TUFM: variants seen among roughly 807,000 people sequenced by gnomAD.
TUFM encodes the protein Tu translation elongation factor, mitochondrial.
Under a neutral mutation model 45.0 loss-of-function variants are expected in TUFM, and 23 were observed. That is an observed-to-expected ratio of 0.51 (90% confidence interval 0.37 to 0.72). The LOEUF (loss-of-function observed/expected upper bound fraction) is 0.72, where lower values mean the gene tolerates loss of function less well. Ranked by LOEUF, TUFM falls within the 30% of genes least tolerant of loss-of-function variation. TUFM has a pLI of 0.00. For synonymous variants in TUFM, 243 were observed against 252.9 expected (o/e 0.96, Z 0.37); for missense variants, 490 against 610.7 (o/e 0.80, Z 2.08).
Position 28,842,818 on chromosome 16 carries a change from C to T in TUFM, c.*157G>A, listed in dbSNP as rs888577395. 6.5e-5 allele frequency: 63 copies of T among 971,454 alleles called. No individual in the cohort carries two copies. In the East Asian group the frequency reaches 1.4e-3, roughly 22 times the overall value. The allele number at this position is 971,454 out of a possible 1,614,324, so 60.2% of individuals were successfully genotyped here. A position where few individuals can be genotyped will look rare whatever the true frequency, so the allele number is the denominator to read the frequency against. On this transcript the variant is annotated 3_prime_UTR_variant, in exon 10 of 10. Coordinates refer to ENST00000313511, the MANE Select transcript of TUFM (RefSeq NM_003321.5). ...ACTATTCAAAGTTTACTGACCTCCC[C>T]AGCCAGGCAGGCCAACCCTTCCGAG...
chr16:28,845,980 T>G lies in TUFM; in HGVS notation c.179A>C (p.His60Pro). 1 of 1,614,128 alleles carries G rather than the reference T, an allele frequency of 6.2e-7. No homozygotes were observed. The highest frequency in any genetic ancestry group is 1.3e-5 in the African/African-American group (1 of 75,060). ...ATGGCCGATGGTACCCACATTCACA[T>G]GTGGCTTGTCGCGCACGTAAGTCTT... ...AKKTYVRDKPHVNVGTIGHVD... is the reference protein window; with the variant it reads ...AKKTYVRDKPPVNVGTIGHVD... The change falls in exon 2 of 10, where the codon CAT becomes CCT. Residue 60 changes from histidine (H) to proline (P), a missense_variant. By Grantham distance (77) the His-to-Pro change is moderately conservative (BLOSUM62 -2). Transcript: ENST00000313511.
intron 9 of TUFM, 114 bp downstream of exon 9, chr16:28,843,622 A>T: frequency 6.8e-7 from 1 of 1,468,040 alleles, no homozygotes; most frequent in Non-Finnish European, 9.3e-7. Context: ...GCCCCTTTCC[A>T]CCTAAGGAAA....
intron 3 of TUFM, 31 bp from the exon 4 acceptor site, chr16:28,845,086 G>A (rs778195044): frequency 7.5e-6 from 12 of 1,610,182 alleles, no homozygotes; most frequent in African/African-American, 4.0e-5. Context: ...AAACAGCCAA[G>A]TTCAACGAGC....
In TUFM at chr16:28,843,733, T is replaced by A. The variant is rs1961858241; in HGVS notation, c.1194+3A>T. 1 of 1,612,686 alleles carries A rather than the reference T, an allele frequency of 6.2e-7. No individual in the cohort carries two copies. The highest frequency in any genetic ancestry group is 8.5e-7 in the Non-Finnish European group (1 of 1,179,904). On this transcript the variant is annotated splice_donor_region_variant and intron_variant, in intron 9 of 9. Coordinates refer to ENST00000313511, the MANE Select transcript of TUFM (RefSeq NM_003321.5). Reference sequence around the variant, plus strand: ...CACCCTACATTCCTCCCACCCACCGTACCTTCTCTGGGGGCAGGATAATCC... The same window carrying A: ...CACCCTACATTCCTCCCACCCACCGAACCTTCTCTGGGGGCAGGATAATCC...
Position 28,845,438 on chromosome 16 carries a change from T to G in TUFM, c.290A>C (p.Glu97Ala), listed in dbSNP as rs147246330. The change falls in exon 3 of 10, where the codon GAG becomes GCG. Residue 97 changes from glutamate (E) to alanine (A), a missense_variant. Glu to Ala is a moderately radical substitution (Grantham distance 107). Transcript: ENST00000313511. ...TCGCTCCTCCGGGGCATTGTCAATC[T>G]CCTCGTACTTCTTGAACTTAGCCCC... is the stretch of plus-strand genomic sequence containing the variant. ...GGGAKFKKYE[E>A]IDNAPEERAR... The G allele has an allele frequency of 1.2e-6, 2 of 1,614,076 alleles. No homozygotes were observed. Among genetic ancestry groups the G allele is most frequent in the Non-Finnish European group, 8.5e-7 (1 of 1,180,000 alleles).
intron 2 of TUFM, 35 bp downstream of exon 2, chr16:28,845,877 G>C (rs1309714929): frequency 6.2e-7 from 1 of 1,610,654 alleles, no homozygotes; most frequent in Middle Eastern, 1.8e-4. Flanking sequence ...CCCATCAGTA[G>C]ATAGGGCGCT....
rs770584516 is a variant in TUFM, at chr16:28,845,024, C to A, written c.446G>T (p.Gly149Val). ...ATTGGCTGCTACCACCAGGATGCAGCCGTCGAGGGGTGCAGTGCCTGTGAT... is the reference window on the plus strand; with the variant it reads ...ATTGGCTGCTACCACCAGGATGCAGACGTCGAGGGGTGCAGTGCCTGTGAT... ...NMITGTAPLD[G>V]CILVVAANDG... Residue 149 changes from glycine to valine, a missense_variant, in exon 4 of 10, where the codon GGC becomes GTC. Coordinates refer to ENST00000313511, the MANE Select transcript of TUFM (RefSeq NM_003321.5). 10 of 1,614,154 alleles carry A rather than the reference C, an allele frequency of 6.2e-6. 1 individual carries two copies. The South Asian group carries it at 1.1e-4, about 18-fold the overall frequency.
intron 2 of TUFM, 74 bp downstream of exon 2, chr16:28,845,838 C>A (rs1240102938): frequency 6.3e-7 from 1 of 1,582,646 alleles, no homozygotes; most frequent in African/African-American, 1.3e-5. Context: ...AGCAGACACT[C>A]TGCTGGCCTT....
chr16:28,846,019 G>A lies in TUFM; in HGVS notation c.140C>T (p.Ala47Val), dbSNP rs1961944286. Residue 47 changes from alanine to valine, a missense_variant, in exon 2 of 10, where the codon GCC (alanine) becomes GTC (valine). Transcript: ENST00000313511. ...CACGTAAGTCTTCTTGGCCTCCACG[G>A]CCAGGCCGCGGCACAAGAGAGGCAA... ...PALPLLCRGL[A>V]VEAKKTYVRD... is the part of the protein sequence containing the mutation. 1 of 1,613,866 alleles carries A rather than the reference G, an allele frequency of 6.2e-7. No homozygotes were observed. Among genetic ancestry groups the A allele is most frequent in the Non-Finnish European group, 8.5e-7 (1 of 1,180,030 alleles).
At position 28,846,221 on chromosome 16, in the gene TUFM, T is replaced by G. The variant is rs775807999; in HGVS notation, c.49A>C (p.Ser17Arg). The change falls in exon 1 of 10, where the codon AGC becomes CGC. Residue 17 changes from serine to arginine, a missense_variant. Ser to Arg is a moderately radical substitution (Grantham distance 110, BLOSUM62 -1). Coordinates refer to ENST00000313511, the MANE Select transcript of TUFM (RefSeq NM_003321.5). ...ATCGCCCTCCCTGACCACTCACCGC[T>G]GAAGTGGGGCGTCGCGCGCAGCAGG... is the stretch of plus-strand genomic sequence containing the variant. ...ATLLRATPHFSGLAAGRTFLL... is the reference protein window; with the variant it reads ...ATLLRATPHFRGLAAGRTFLL... 1.5e-5 allele frequency: 23 copies of G among 1,577,512 alleles called. No individual in the cohort carries two copies. Among genetic ancestry groups the G allele is most frequent in the Non-Finnish European group, 1.9e-5 (22 of 1,161,946 alleles).
intron 2 of TUFM, 152 bp from the exon 3 acceptor site, chr16:28,845,632 T>TA: frequency 9.3e-7 from 1 of 1,076,966 alleles, no homozygotes; most frequent in South Asian, 1.4e-5. Flanking sequence ...AAAGAAATGT[T>TA]AGAGGGCCTT....
intron 2 of TUFM, 144 bp from the exon 3 acceptor site, chr16:28,845,624 A>G (rs1961927614): frequency 8.8e-7 from 1 of 1,136,004 alleles, no homozygotes; most frequent in Non-Finnish European, 1.3e-6. Flanking sequence ...TGGGTCAGAA[A>G]GAAATGTTAG....
chr16:28,843,226 G>A (rs985131419), intron 9 of TUFM, 78 bp from the exon 10 acceptor site: 2 of 1,484,420 alleles, frequency 1.3e-6, no homozygotes, highest in Non-Finnish European at 1.9e-6. Flanking sequence ...TACCTCGGAG[G>A]TTAAGAGTCA....
chr16:28,842,649 A>C lies in TUFM; in HGVS notation c.*326T>G. 2.5e-6 allele frequency: 1 copy of C among 392,954 alleles called. No homozygotes were observed. Among genetic ancestry groups the C allele is most frequent in the Non-Finnish European group, 4.8e-6 (1 of 206,950 alleles). 24.3% of individuals were successfully genotyped at this position (392,954 alleles called of 1,614,324 possible). On this transcript the variant is annotated 3_prime_UTR_variant, in exon 10 of 10. Coordinates refer to ENST00000313511, the MANE Select transcript of TUFM (RefSeq NM_003321.5). ...AACGGCATCCTACTGTGTCTAGGCA[A>C]TCACTAAGCTCACTGGACTTGATTT... is the stretch of plus-strand genomic sequence containing the variant.
intron 3 of TUFM, 97 bp downstream of exon 3, chr16:28,845,217 A>G (rs528357996): frequency 1.2e-6 from 2 of 1,603,896 alleles, no homozygotes; most frequent in Non-Finnish European, 8.5e-7. Context: ...TCTCATACCC[A>G]AACACTGAAT....
chr16:28,842,855 T>TC lies in TUFM; in HGVS notation c.*119dup. Reference sequence around the variant, plus strand: ...CCAACCCTTCCGAGCAGGGGAAATGTCCATCTAGCTGCCCTCTGCTGGGTT... The same window carrying TC: ...CCAACCCTTCCGAGCAGGGGAAATGTCCCATCTAGCTGCCCTCTGCTGGGTT... On this transcript the variant is annotated 3_prime_UTR_variant, in exon 10 of 10. Transcript: ENST00000313511. 7.6e-7 allele frequency: 1 copy of TC among 1,324,140 alleles called. No homozygotes were observed. The highest frequency in any genetic ancestry group is 1.2e-5 in the South Asian group (1 of 84,492). The allele number at this position is 1,324,140 out of a possible 1,614,324, so 82.0% of individuals were successfully genotyped here. A position where few individuals can be genotyped will look rare whatever the true frequency, so the allele number is the denominator to read the frequency against.
Position 28,842,985 on chromosome 16 carries a change from T to A in TUFM, c.1358A>T (p.Lys453Ile), listed in dbSNP as rs1961839429. ...CAGAGATCTGCACACTCAACCCCAT[T>A]TGATATTCTTCTCCTCCTCAGTCAT... is the stretch of plus-strand genomic sequence containing the variant. The part of the protein sequence containing the change: ...LAMTEEEKNI[K>I]WG Residue 453 changes from lysine to isoleucine, a missense_variant, in exon 10 of 10, where the codon AAA becomes ATA. Coordinates refer to ENST00000313511, the MANE Select transcript of TUFM (RefSeq NM_003321.5). 2.5e-6 allele frequency: 4 copies of A among 1,614,078 alleles called. No homozygotes were observed. The highest frequency in any genetic ancestry group is 3.4e-6 in the Non-Finnish European group (4 of 1,180,044).
Position 28,844,539 on chromosome 16 carries a change from C to G in TUFM, c.697G>C (p.Glu233Gln). Residue 233 changes from glutamate (E) to glutamine (Q), a missense_variant, in exon 6 of 10, where the codon GAG (glutamate) becomes CAG (glutamine). Physicochemically the swap from Glu to Gln is conservative, Grantham distance 29. Transcript: ENST00000313511. The surrounding 1 kb of genome is among the most constrained non-coding windows in gnomAD (Gnocchi z 5.8). ...ALCALEGRDP[E>Q]LGLKSVQKLL... Reference sequence around the variant, plus strand: ...TTCTGCACAGACTTCAGGCCTAACTCAGGGTCCCGACCCTGTTGAGGGGAA... The same window carrying G: ...TTCTGCACAGACTTCAGGCCTAACTGAGGGTCCCGACCCTGTTGAGGGGAA... 1 of 1,613,790 alleles carries G rather than the reference C, an allele frequency of 6.2e-7. No individual in the cohort carries two copies. The highest frequency in any genetic ancestry group is 8.5e-7 in the Non-Finnish European group (1 of 1,180,030).
rs1961834522 is a variant in TUFM at position 28,842,775 on chromosome 16, C to T, written c.*200G>A. The T allele has an allele frequency of 1.4e-6, 1 of 692,748 alleles. No individual in the cohort carries two copies. Among genetic ancestry groups the T allele is most frequent in the East Asian group, 2.6e-5 (1 of 37,744 alleles). The allele number at this position is 692,748 out of a possible 1,614,324, so 42.9% of individuals were successfully genotyped here. ...TCCTCTCCAATTTGCACAAAGGACA[C>T]AGGACACAGGCTGGCTTACTATTCA... On this transcript the variant is annotated 3_prime_UTR_variant, in exon 10 of 10. Transcript: ENST00000313511.
Sources: allele counts gnomAD v4.1 joint callset, GRCh38; gene constraint gnomAD v4.1.1; non-coding constraint Gnocchi (gnomAD v3.1); transcripts MANE v1.5; gene names NCBI Gene and HGNC (gene_info 2026-07-23, HGNC 2026-07-21).